The following C4orf51 variants were observed in gnomAD, a reference collection of about 807,000 sequenced individuals.
C4orf51 encodes the protein chromosome 4 open reading frame 51.
Under a neutral mutation model 25.2 loss-of-function variants are expected in C4orf51, and 25 were observed. That is an observed-to-expected ratio of 0.99 (90% CI 0.72 to 1.39). C4orf51 has a LOEUF of 1.39. C4orf51 is among the 40% of genes most tolerant of loss of function. C4orf51 has a pLI of 0.00. For synonymous variants in C4orf51, 100 were observed against 84.5 expected (o/e 1.18, Z -1.01); for missense variants, 252 against 239.6 (o/e 1.05, Z -0.34).
At chr4:145,745,236 T>C (rs1733305784) in intron 1 of C4orf51, among the ~76,000 whole-genome samples, 1 of 152,170 alleles carries the variant, frequency 6.6e-6, no homozygotes. Flanking sequence ...TTATTCTCTT[T>C]TAGTTATTAT....
At chr4:145,758,580 G>C (rs554809240), downstream of C4orf51, 1 of 152,174 alleles carries the variant, frequency 6.6e-6, no homozygotes, top group Non-Finnish European at 1.5e-5. Flanking sequence ...GACATGACTT[G>C]AAAACAAAAC....
chr4:145,721,344 CA>C (rs11299166), intron 2 of C4orf51, among the ~76,000 whole-genome samples: 30,655 of 107,192 alleles, frequency 0.29, 3,098 homozygotes, highest in Admixed American at 0.32. Flanking sequence ...GACTCTGTCT[CA>C]AAAAAAAAAA....
chr4:145,710,160 T>C (rs1422399269), intron 2 of C4orf51, among the ~76,000 whole-genome samples: 3 of 152,170 alleles, frequency 2.0e-5, no homozygotes, highest in African/African-American at 7.2e-5. Flanking sequence ...AGCGAATCCA[T>C]ACAGATCTGC....
At chr4:145,699,743 G>A (rs1460841029) in intron 2 of C4orf51, among the ~76,000 whole-genome samples, 2 of 151,986 alleles carry the variant, frequency 1.3e-5, no homozygotes, top group African/African-American at 4.8e-5. Context: ...CCGCTTTTCT[G>A]GGGAAGGGGC....
chr4:145,705,505 A>C (rs1048083857), intron 2 of C4orf51, among the ~76,000 whole-genome samples: 3 of 152,168 alleles, frequency 2.0e-5, no homozygotes, highest in Non-Finnish European at 4.4e-5. Flanking sequence ...CTTTGGGGAA[A>C]ATGGATGAAG....
chr4:145,747,536 T>A (rs571693238), intron 1 of C4orf51, among the ~76,000 whole-genome samples: 2 of 152,196 alleles, frequency 1.3e-5, no homozygotes, highest in African/African-American at 4.8e-5. Context: ...ACGTTTACAT[T>A]CCTGAGATAA....
At chr4:145,759,912 T>A (rs542138543) in intron 1 of C4orf51, 20 of 152,360 alleles carry the variant, frequency 1.3e-4, no homozygotes, top group African/African-American at 4.6e-4. Context: ...ATATATATAA[T>A]CTGCCCTTAA....
chr4:145,725,227 A>T (rs1406558024), intron 2 of C4orf51, among the ~76,000 whole-genome samples: 1 of 152,092 alleles, frequency 6.6e-6, no homozygotes, highest in Non-Finnish European at 1.5e-5. Flanking sequence ...AATAGAAAAA[A>T]ACCATAATGA....
At chr4:145,701,129 A>G (rs1439784289) in intron 2 of C4orf51, among the ~76,000 whole-genome samples, 1 of 152,102 alleles carries the variant, frequency 6.6e-6, no homozygotes, top group East Asian at 1.9e-4. Context: ...TATTCTCAAT[A>G]TACATTTTAT....
intron 1 of C4orf51, among the ~76,000 whole-genome samples, chr4:145,696,346 G>A (rs1730049270): frequency 6.6e-6 from 1 of 152,180 alleles, no homozygotes; most frequent in Non-Finnish European, 1.5e-5. Context: ...AATTGCTATC[G>A]GGTATTAGAT....
At chr4:145,708,678 T>C (rs1364326858) in intron 2 of C4orf51, among the ~76,000 whole-genome samples, 1 of 152,200 alleles carries the variant, frequency 6.6e-6, no homozygotes, top group Non-Finnish European at 1.5e-5. Flanking sequence ...TCTTACCATA[T>C]ACCCCTAACC....
intron 1 of C4orf51, chr4:145,760,743 T>TGTCTC: frequency 9.7e-7 from 1 of 1,030,712 alleles, no homozygotes; most frequent in Non-Finnish European, 1.2e-6. Context: ...TTTTTGTCTT[T>TGTCTC]TGTCTCTCTG....
intron 2 of C4orf51, among the ~76,000 whole-genome samples, chr4:145,712,011 A>G (rs1021444117): frequency 2.8e-4 from 42 of 152,198 alleles, no homozygotes; most frequent in Admixed American, 2.4e-3. Flanking sequence ...GTAATCTGCA[A>G]TTAGTGATGT....
intron 2 of C4orf51, among the ~76,000 whole-genome samples, chr4:145,718,167 CTT>C: frequency 6.6e-6 from 1 of 152,312 alleles, no homozygotes; most frequent in South Asian, 2.1e-4. Context: ...GCACTGGTCT[CTT>C]TTATTCTTGC....
chr4:145,752,442 C>G lies in C4orf51; in HGVS notation n.168-1765C>G, dbSNP rs1733722001. Among the ~76,000 whole-genome samples, 3 of 152,168 alleles carry G rather than the reference C, an allele frequency of 2.0e-5. No individual in the cohort carries two copies. The South Asian group carries it at 6.2e-4, about 32-fold the overall frequency. On this transcript the variant is annotated intron_variant and non_coding_transcript_variant, in intron 1 of 1. Transcript: ENST00000508981. ...GGCCCAGGATGTGTCTAGAAACGTC[C>G]GTGAGCTAGGGCCTGGAATCGGCGC...
downstream of C4orf51, among the ~76,000 whole-genome samples, chr4:145,733,563 C>A (rs2126780427): frequency 6.6e-6 from 1 of 152,336 alleles, no homozygotes; most frequent in African/African-American, 2.4e-5. Context: ...CACCCCCTTC[C>A]GTTTACTCCT....
chr4:145,724,680 G>A (rs1323728752), intron 2 of C4orf51, among the ~76,000 whole-genome samples: 2 of 152,134 alleles, frequency 1.3e-5, no homozygotes, highest in Admixed American at 6.5e-5. Context: ...TCGGGAGTTC[G>A]AGACCAGCCT....
At chr4:145,736,810 T>C (rs574383431), downstream of C4orf51, among the ~76,000 whole-genome samples, 2 of 152,186 alleles carry the variant, frequency 1.3e-5, no homozygotes, top group South Asian at 2.1e-4. Context: ...AAGTGAGAGA[T>C]TCCAAGCCCT....
chr4:145,684,284 C>A (rs1578910798), intron 1 of C4orf51, among the ~76,000 whole-genome samples: 1 of 152,050 alleles, frequency 6.6e-6, no homozygotes, highest in African/African-American at 2.4e-5. Context: ...AGATCGAGAC[C>A]AACCTGGCTA....
Sources: allele counts gnomAD v4.1 joint callset (sites outside exome capture counted in the v4.1 genomes callset), GRCh38; gene constraint gnomAD v4.1.1; transcripts MANE v1.5; gene names NCBI Gene and HGNC (gene_info 2026-07-23, HGNC 2026-07-21).